NBAS: variants seen among roughly 807,000 people sequenced by gnomAD.
NBAS encodes NAG/BC035112 fusion.
NBAS carries 219 observed loss-of-function variants against 302.5 expected under a neutral mutation model. The ratio of observed to expected loss-of-function variants is 0.72; its 90% confidence interval spans 0.65 to 0.81. NBAS has a LOEUF of 0.81. Ranked by LOEUF, NBAS falls within the 30% of genes least tolerant of loss-of-function variation. NBAS has a pLI of 0.00. For synonymous variants in NBAS, 1,118 were observed against 1,021.6 expected, an observed-to-expected ratio of 1.09 and a Z score of -1.80; for missense variants, 2,932 against 2,841.6, an observed-to-expected ratio of 1.03 and a Z score of -0.72.
chr2:15,098,409 T>C, the NBAS span, among the ~76,000 whole-genome samples: 1 of 95,238 alleles, frequency 1.0e-5, no homozygotes, highest in Non-Finnish European at 1.8e-5. Flanking sequence ...ATATTATATA[T>C]GATATATTGT....
intron 42 of NBAS, among the ~76,000 whole-genome samples, chr2:15,281,593 A>T (rs907989020): frequency 6.6e-6 from 1 of 152,188 alleles, no homozygotes; most frequent in Non-Finnish European, 1.5e-5. Flanking sequence ...AAATCTCTTC[A>T]ATCTCACAGC....
intron 12 of NBAS, among the ~76,000 whole-genome samples, chr2:15,488,631 G>A (rs1276959937): frequency 6.6e-6 from 1 of 151,980 alleles, no homozygotes; most frequent in Non-Finnish European, 1.5e-5. Flanking sequence ...GACAAAGAGG[G>A]AAAAAATGAA....
the NBAS span, among the ~76,000 whole-genome samples, chr2:15,111,345 C>T: frequency 6.6e-6 from 1 of 152,042 alleles, no homozygotes; most frequent in Non-Finnish European, 1.5e-5. Flanking sequence ...ACAAGATACC[C>T]CATGAATCCC....
chr2:15,068,027 T>A, the NBAS span, among the ~76,000 whole-genome samples: 14 of 152,234 alleles, frequency 9.2e-5, no homozygotes, highest in Non-Finnish European at 1.6e-4. Context: ...AACACATTGA[T>A]AATTTCTCCA....
chr2:15,198,249 A>G (rs1402369758), intron 48 of NBAS, among the ~76,000 whole-genome samples: 1 of 152,216 alleles, frequency 6.6e-6, no homozygotes, highest in Admixed American at 6.5e-5. Flanking sequence ...CATATATCAT[A>G]TTTTATGATC....
intron 21 of NBAS, among the ~76,000 whole-genome samples, chr2:15,445,452 C>A (rs1295274348): frequency 1.4e-5 from 2 of 140,218 alleles, no homozygotes; most frequent in Non-Finnish European, 3.0e-5. Flanking sequence ...GGGAATTGAA[C>A]AATGAGAACA....
chr2:15,036,753 G>A, the NBAS span, among the ~76,000 whole-genome samples: 2 of 152,150 alleles, frequency 1.3e-5, no homozygotes, highest in Non-Finnish European at 2.9e-5. Context: ...TCCTCAGGTA[G>A]ACAGGGCAGG....
the NBAS span, among the ~76,000 whole-genome samples, chr2:14,785,614 G>A: frequency 2.0e-5 from 3 of 152,090 alleles, no homozygotes; most frequent in African/African-American, 7.2e-5. Flanking sequence ...TTATGTGCTG[G>A]ATTACATTTA....
In NBAS at chr2:15,430,149, A is replaced by G. The variant is rs139502155; in HGVS notation, c.2340-2355T>C. ...TTTGTATTTCCTATTCAAAGTATAT[A>G]TTAGATGCAAGAGTTATTAGGAACC... On this transcript the variant is annotated intron_variant, in intron 21 of 51. Coordinates refer to ENST00000281513, the MANE Select transcript of NBAS (RefSeq NM_015909.4). Among the ~76,000 whole-genome samples, 433 of 152,330 alleles carry G rather than the reference A, an allele frequency of 2.8e-3. 1 individual carries two copies. Among genetic ancestry groups the G allele is most frequent in the Middle Eastern group, 0.02 (6 of 294 alleles).
chr2:14,847,376 C>CCG, the NBAS span, among the ~76,000 whole-genome samples: 5 of 91,000 alleles, frequency 5.5e-5, no homozygotes, highest in Non-Finnish European at 1.9e-5. Context: ...GAGCAAGACT[C>CCG]TATCTTAAAA....
At chr2:15,296,544 C>CA (rs34796342) in intron 40 of NBAS, among the ~76,000 whole-genome samples, 1,914 of 148,680 alleles carry the variant, frequency 0.013, 15 homozygotes, top group Non-Finnish European at 0.02. Flanking sequence ...CAAAACAAAA[C>CA]AAAAAAAAAA....
chr2:14,813,384 G>A, the NBAS span, among the ~76,000 whole-genome samples: 1 of 152,184 alleles, frequency 6.6e-6, no homozygotes, highest in East Asian at 1.9e-4. Flanking sequence ...TCCAGGCTGA[G>A]AGGGTCTCAG....
intron 21 of NBAS, among the ~76,000 whole-genome samples, chr2:15,428,860 A>G (rs1677614475): frequency 6.6e-6 from 1 of 150,914 alleles, no homozygotes; most frequent in Non-Finnish European, 1.5e-5. Flanking sequence ...TAGCTAACAC[A>G]GTGAAACCCC....
At chr2:15,131,760 C>T in the NBAS span, among the ~76,000 whole-genome samples, 1 of 152,168 alleles carries the variant, frequency 6.6e-6, no homozygotes, top group Admixed American at 6.5e-5. Context: ...CACAGTTCTG[C>T]AGGATGTACA....
At chr2:15,312,771 T>G (rs575613152) in intron 38 of NBAS, among the ~76,000 whole-genome samples, 2 of 152,300 alleles carry the variant, frequency 1.3e-5, no homozygotes, top group African/African-American at 2.4e-5. Flanking sequence ...AAACTAAACT[T>G]AACACCACAG....
At chr2:14,899,273 C>G in the NBAS span, among the ~76,000 whole-genome samples, 1 of 152,228 alleles carries the variant, frequency 6.6e-6, no homozygotes, top group African/African-American at 2.4e-5. Flanking sequence ...CCAGAGAGGC[C>G]TCAGAGACCT....
intron 26 of NBAS, among the ~76,000 whole-genome samples, chr2:15,398,149 TTTG>T (rs200378291): frequency 0.61 from 91,326 of 150,610 alleles, 28,584 homozygotes; most frequent in Non-Finnish European, 0.68. Flanking sequence ...TTTTGTTTGG[TTTG>T]GTTTTGTTTG....
the NBAS span, among the ~76,000 whole-genome samples, chr2:14,974,376 T>C: frequency 6.6e-6 from 1 of 152,184 alleles, no homozygotes; most frequent in Non-Finnish European, 1.5e-5. Context: ...GGAGTGGACA[T>C]GGCATGGGGC....
At chr2:14,846,022 C>T in the NBAS span, among the ~76,000 whole-genome samples, 1 of 151,964 alleles carries the variant, frequency 6.6e-6, no homozygotes, top group Non-Finnish European at 1.5e-5. Context: ...TGTCCCAAAC[C>T]TAGAGAAAGA....
Sources: gnomAD v4.1 joint callset for allele counts (sites outside exome capture counted in the v4.1 genomes callset) on GRCh38, gnomAD v4.1.1 for gene constraint, MANE v1.5 for transcripts, NCBI Gene and HGNC (gene_info 2026-07-23, HGNC 2026-07-21) for gene names.